The following FANK1 variants were observed in gnomAD, a reference collection of about 807,000 sequenced individuals.
The protein encoded by FANK1 is fibronectin type 3 and ankyrin repeat domains protein 1.
A neutral mutation model predicts 45.3 loss-of-function variants in FANK1; 44 were observed. The observed-to-expected ratio is 0.97, with a 90% CI of 0.76 to 1.25. The LOEUF is 1.25. Ranked by LOEUF, FANK1 falls within the 50% of genes most tolerant of loss-of-function variation. FANK1 has a pLI of 0.00. For synonymous variants in FANK1, 149 were observed against 152.5 expected (o/e 0.98, Z 0.17); for missense variants, 391 against 424.4 (o/e 0.92, Z 0.69).
chr10:125,898,018 A>AG, intron 1 of FANK1, among the ~76,000 whole-genome samples: 2 of 134,750 alleles, frequency 1.5e-5, no homozygotes, highest in African/African-American at 2.9e-5. Flanking sequence ...AAAAAAAAAA[A>AG]AAAAAAAAAA....
At position 126,008,403 on chromosome 10, in the gene FANK1, A is replaced by T. The variant is rs574136643; in HGVS notation, c.706-4A>T. The T allele has an allele frequency of 6.9e-6, 11 of 1,588,576 alleles. No homozygotes were observed. In the African/African-American group the frequency reaches 1.1e-4, roughly 16 times the overall value. ...TCAACACAGCTGTTTCTCTGGCCCA[A>T]CAGGTAGACGTCGTGGACACTGGTT... On this transcript the variant is annotated splice_region_variant and splice_polypyrimidine_tract_variant and intron_variant, in intron 7 of 10. Transcript: ENST00000368693.
At chr10:125,956,781 T>C (rs1949603917) in intron 1 of FANK1, among the ~76,000 whole-genome samples, 1 of 152,170 alleles carries the variant, frequency 6.6e-6, no homozygotes, top group South Asian at 2.1e-4. Flanking sequence ...AGAAGGAAGA[T>C]GATTTTAATA....
intron 1 of FANK1, among the ~76,000 whole-genome samples, chr10:125,965,196 C>T (rs1590075241): frequency 6.6e-6 from 1 of 152,116 alleles, no homozygotes; most frequent in South Asian, 2.1e-4. Flanking sequence ...TTGATGAATG[C>T]AAAATGTCAT....
intron 1 of FANK1, among the ~76,000 whole-genome samples, chr10:125,966,823 G>A (rs1220046763): frequency 6.6e-6 from 1 of 152,166 alleles, no homozygotes; most frequent in East Asian, 1.9e-4. Context: ...ATAAGTAAAA[G>A]TGCTCAGTTA....
intron 1 of FANK1, among the ~76,000 whole-genome samples, chr10:125,923,829 G>A (rs577119846): frequency 6.3e-4 from 96 of 152,132 alleles, no homozygotes; most frequent in Non-Finnish European, 1.2e-3. Flanking sequence ...TTCTTGGCCT[G>A]CAAGTTATGA....
rs572136843 is a variant in FANK1 at position 126,008,301 on chromosome 10, C to T, written c.706-106C>T. The T allele has an allele frequency of 1.6e-4, 219 of 1,400,908 alleles. No homozygotes were observed. In the African/African-American group the frequency reaches 2.9e-3, roughly 19 times the overall value. 86.8% of individuals were successfully genotyped at this position (1,400,908 alleles called of 1,614,324 possible). A position where few individuals can be genotyped will look rare whatever the true frequency, so the allele number is the denominator to read the frequency against. The stretch of plus-strand genomic sequence containing the variant: ...CAATGAACCAAATATAGAAAGACGG[C>T]TATCTAAGTCCGGGTGTTGGGGCAA... On this transcript the variant is annotated intron_variant, in intron 7 of 10. Coordinates refer to ENST00000368693, the MANE Select transcript of FANK1 (RefSeq NM_145235.5).
At chr10:125,963,563 A>C (rs981917873) in intron 1 of FANK1, among the ~76,000 whole-genome samples, 9 of 152,256 alleles carry the variant, frequency 5.9e-5, no homozygotes, top group Non-Finnish European at 1.2e-4. Context: ...CTATGCAGCC[A>C]TAAGAAAGGA....
intron 1 of FANK1, chr10:125,973,058 G>A (rs1950620925): frequency 6.6e-6 from 1 of 152,278 alleles, no homozygotes; most frequent in Non-Finnish European, 1.5e-5. Flanking sequence ...CCTGTGCCCA[G>A]CTCTGGTGGC....
At chr10:126,003,962 C>T (rs1590247502) in intron 6 of FANK1, among the ~76,000 whole-genome samples, 1 of 152,050 alleles carries the variant, frequency 6.6e-6, no homozygotes, top group African/African-American at 2.4e-5. Flanking sequence ...AGGGGTGAAC[C>T]TCTGTGCCTG....
intron 1 of FANK1, among the ~76,000 whole-genome samples, chr10:125,933,732 G>A (rs1386073342): frequency 3.9e-5 from 6 of 152,024 alleles, no homozygotes; most frequent in Non-Finnish European, 2.9e-5. Flanking sequence ...TAGAGTGTCA[G>A]TTTGCACTTT....
At chr10:125,975,272 G>A (rs1010450348) in intron 1 of FANK1, among the ~76,000 whole-genome samples, 1 of 152,158 alleles carries the variant, frequency 6.6e-6, no homozygotes, top group African/African-American at 2.4e-5. Flanking sequence ...TTGATTCCAT[G>A]TCTTTGCTAT....
At chr10:125,933,291 A>G (rs982336039) in intron 1 of FANK1, among the ~76,000 whole-genome samples, 9 of 151,940 alleles carry the variant, frequency 5.9e-5, no homozygotes, top group African/African-American at 1.9e-4. Flanking sequence ...TAATTTTTAA[A>G]TTACCATTTC....
At position 125,943,092 on chromosome 10, in the gene FANK1, G is replaced by A. The variant is rs578049736; in HGVS notation, c.14-37069G>A. Among the ~76,000 whole-genome samples, 53 of 152,208 alleles carry A rather than the reference G, an allele frequency of 3.5e-4. 1 individual carries two copies. Among genetic ancestry groups the A allele is most frequent in the African/African-American group, 1.3e-3 (52 of 41,538 alleles). On this transcript the variant is annotated intron_variant, in intron 1 of 10. Coordinates refer to ENST00000368693, the MANE Select transcript of FANK1 (RefSeq NM_145235.5). ...TTCCCAAAGTGCTAGGATTACAGGCGTGAGCCACTGTGCCCAGACTATAAT... is the reference window on the plus strand; with the variant it reads ...TTCCCAAAGTGCTAGGATTACAGGCATGAGCCACTGTGCCCAGACTATAAT...
intron 4 of FANK1, 74 bp from the exon 5 acceptor site, chr10:125,996,476 T>C (rs3736478): frequency 0.019 from 26,643 of 1,416,224 alleles, 1,552 homozygotes; most frequent in East Asian, 0.16. Flanking sequence ...ACCTAAGCCC[T>C]GTGAGAACCA....
chr10:125,953,425 G>C (rs1949379323), intron 1 of FANK1, among the ~76,000 whole-genome samples: 1 of 152,198 alleles, frequency 6.6e-6, no homozygotes. Context: ...ACTGATCAGG[G>C]AGGTGGTGTG....
chr10:125,919,925 C>T (rs185880122), intron 1 of FANK1, among the ~76,000 whole-genome samples: 2 of 152,062 alleles, frequency 1.3e-5, no homozygotes, highest in Non-Finnish European at 2.9e-5. Flanking sequence ...TATAGTAATT[C>T]TGGAGTCTTT....
intron 5 of FANK1, 135 bp downstream of exon 5, chr10:125,996,759 C>A: frequency 1.5e-6 from 1 of 674,418 alleles, no homozygotes; most frequent in Non-Finnish European, 2.5e-6. Context: ...CAAACCGTAC[C>A]ATATGATGGC....
At chr10:126,009,160 T>C in intron 9 of FANK1, 29 bp downstream of exon 9, 1 of 1,614,156 alleles carries the variant, frequency 6.2e-7, no homozygotes, top group South Asian at 1.1e-5. Flanking sequence ...ATGTAAAGAT[T>C]TTCCTCGGAG....
chr10:125,953,239 G>T (rs1394978043), intron 1 of FANK1, among the ~76,000 whole-genome samples: 2 of 152,208 alleles, frequency 1.3e-5, no homozygotes, highest in African/African-American at 4.8e-5. Flanking sequence ...GAGAGGGCTT[G>T]TGAAGGCCCC....
Sources: gnomAD v4.1 joint callset for allele counts (sites outside exome capture counted in the v4.1 genomes callset) on GRCh38, gnomAD v4.1.1 for gene constraint, MANE v1.5 for transcripts, NCBI Gene and HGNC (gene_info 2026-07-23, HGNC 2026-07-21) for gene names.